The following HYDIN variants were observed in gnomAD, a reference collection of about 807,000 sequenced individuals.
HYDIN encodes HYDIN axonemal central pair apparatus protein.
In HYDIN, 132 loss-of-function variants were observed where a neutral mutation model predicts 403.9. The ratio of observed to expected loss-of-function variants is 0.33; its 90% CI spans 0.28 to 0.38. The LOEUF (loss-of-function observed/expected upper bound fraction) is 0.38. HYDIN is among the 10% of genes least tolerant of loss of function. The pLI, the probability that HYDIN is intolerant of heterozygous loss-of-function variation, is 1.00. For synonymous variants in HYDIN, 1,202 were observed against 1,891.7 expected, an observed-to-expected ratio of 0.64 and a Z score of 9.46; for missense variants, 2,827 against 5,009.5, an observed-to-expected ratio of 0.56 and a Z score of 13.15.
intron 73 of HYDIN, 21 bp from the exon 74 acceptor site, chr16:70,850,676 C>G (rs766819783): frequency 6.3e-7 from 1 of 1,596,894 alleles, no homozygotes; most frequent in Non-Finnish European, 8.6e-7. Flanking sequence ...AACAAAACAG[C>G]AGATTACCTG....
At chr16:70,915,227 T>C (rs1277737972) in intron 47 of HYDIN, among the ~76,000 whole-genome samples, 1 of 152,176 alleles carries the variant, frequency 6.6e-6, no homozygotes, top group Non-Finnish European at 1.5e-5. Context: ...TTTTGTCATA[T>C]TATCAGAGTT....
intron 5 of HYDIN, among the ~76,000 whole-genome samples, chr16:71,165,220 C>T (rs1025606090): frequency 4.0e-5 from 6 of 151,172 alleles, no homozygotes; most frequent in African/African-American, 1.5e-4. Flanking sequence ...GTGCCCCCAT[C>T]GTTTCTCTGG....
intron 43 of HYDIN, among the ~76,000 whole-genome samples, chr16:70,939,610 G>A (rs1330722744): frequency 6.6e-6 from 1 of 152,208 alleles, no homozygotes; most frequent in Non-Finnish European, 1.5e-5. Flanking sequence ...TATGAGGGAG[G>A]AGTTATCATT....
At chr16:70,933,280 C>T (rs1277891264) in intron 45 of HYDIN, among the ~76,000 whole-genome samples, 3 of 151,982 alleles carry the variant, frequency 2.0e-5, no homozygotes, top group Non-Finnish European at 2.9e-5. Context: ...GCAGAAGTGA[C>T]AGGGTCAGGG....
intron 36 of HYDIN, 52 bp downstream of exon 36, chr16:70,970,468 G>A: frequency 6.3e-7 from 1 of 1,596,540 alleles, no homozygotes; most frequent in Non-Finnish European, 8.6e-7. Flanking sequence ...AGAATTCAAG[G>A]GGAAAAAGAT....
intron 36 of HYDIN, among the ~76,000 whole-genome samples, chr16:70,969,071 A>G (rs187584587): frequency 3.2e-3 from 494 of 152,290 alleles, no homozygotes; most frequent in African/African-American, 0.011. Context: ...AAGATAAAAT[A>G]ATAGAAATTA....
chr16:71,029,659 T>C (rs2080835927), intron 19 of HYDIN, among the ~76,000 whole-genome samples: 1 of 134,118 alleles, frequency 7.5e-6, no homozygotes, highest in Non-Finnish European at 1.6e-5. Context: ...TTCTTATATT[T>C]AGTCGACTTG....
intron 17 of HYDIN, 94 bp downstream of exon 17, chr16:71,062,075 A>G: frequency 1.9e-6 from 2 of 1,054,626 alleles, no homozygotes; most frequent in Non-Finnish European, 2.8e-6. Context: ...ACTGGGGTGT[A>G]TGTGAATATG....
chr16:71,100,630 A>G (rs2083430576), intron 10 of HYDIN, among the ~76,000 whole-genome samples: 1 of 152,242 alleles, frequency 6.6e-6, no homozygotes, highest in Admixed American at 6.5e-5. Context: ...TAGGTGTTGA[A>G]TATCAGTGAG....
intron 21 of HYDIN, among the ~76,000 whole-genome samples, chr16:71,024,421 A>G (rs1270202567): frequency 6.6e-6 from 1 of 151,798 alleles, no homozygotes; most frequent in African/African-American, 2.4e-5. Flanking sequence ...TCATGACCAC[A>G]TGGACGAACA....
intron 45 of HYDIN, among the ~76,000 whole-genome samples, chr16:70,928,475 CA>C (rs1368149770): frequency 6.6e-6 from 1 of 151,506 alleles, no homozygotes; most frequent in South Asian, 2.1e-4. Context: ...AAACAAAAAA[CA>C]AAAAACAGGG....
chr16:71,216,771 C>G (rs2088902698), intron 1 of HYDIN, among the ~76,000 whole-genome samples: 1 of 152,198 alleles, frequency 6.6e-6, no homozygotes, highest in East Asian at 1.9e-4. Context: ...CCTAGTCCTA[C>G]CCTAGAGATT....
intron 10 of HYDIN, among the ~76,000 whole-genome samples, chr16:71,107,524 T>C (rs1417753412): frequency 2.0e-5 from 3 of 151,264 alleles, no homozygotes; most frequent in Non-Finnish European, 4.4e-5. Flanking sequence ...AATGAACAAA[T>C]ACTTTTCAAA....
Position 70,807,404 on chromosome 16 carries a change from T to C in HYDIN, c.*176A>G, listed in dbSNP as rs2035154257. On this transcript the variant is annotated 3_prime_UTR_variant, in exon 86 of 86. Coordinates refer to ENST00000393567, the MANE Select transcript of HYDIN (RefSeq NM_001270974.2). ...TGTTGTGTGTAGTTATAATGTTTAA[T>C]ATGGAATAGATATTTCATATCTATA... The C allele has an allele frequency of 3.0e-6, 2 of 655,910 alleles. No homozygotes were observed. Among genetic ancestry groups the C allele is most frequent in the South Asian group, 2.1e-5 (1 of 46,902 alleles). 40.6% of individuals were successfully genotyped at this position (655,910 alleles called of 1,614,324 possible).
intron 7 of HYDIN, among the ~76,000 whole-genome samples, chr16:71,142,138 CCT>C (rs1318080458): frequency 6.7e-6 from 1 of 149,940 alleles, no homozygotes; most frequent in African/African-American, 2.5e-5. Flanking sequence ...CAGTAAAGCT[CCT>C]CTGAGGAGCA....
intron 5 of HYDIN, among the ~76,000 whole-genome samples, chr16:71,163,148 A>C (rs771675489): frequency 5.3e-4 from 72 of 136,618 alleles, no homozygotes; most frequent in Admixed American, 9.2e-4. Context: ...TTTGAGACAG[A>C]GTCTCGCTCT....
chr16:70,897,547 G>T (rs557742104), intron 53 of HYDIN, among the ~76,000 whole-genome samples: 1 of 149,266 alleles, frequency 6.7e-6, no homozygotes. Context: ...GACAGGATGT[G>T]TGTAGTGCCT....
chr16:70,901,456 C>A (rs2076375724), intron 52 of HYDIN, among the ~76,000 whole-genome samples: 3 of 151,518 alleles, frequency 2.0e-5, no homozygotes, highest in African/African-American at 7.3e-5. Context: ...TGTTGCTCCC[C>A]ATTTTGTGCC....
At chr16:70,819,027 C>T (rs2036046923) in intron 83 of HYDIN, among the ~76,000 whole-genome samples, 1 of 146,252 alleles carries the variant, frequency 6.8e-6, no homozygotes, top group Non-Finnish European at 1.5e-5. Flanking sequence ...GATTCTCCTG[C>T]ATCAGCCTCA....
Sources: allele counts gnomAD v4.1 joint callset (sites outside exome capture counted in the v4.1 genomes callset), GRCh38; gene constraint gnomAD v4.1.1; transcripts MANE v1.5; gene names NCBI Gene and HGNC (gene_info 2026-07-23, HGNC 2026-07-21).